Variants in ARIH2 observed in about 807,000 individuals in gnomAD.
The protein encoded by ARIH2 is ariadne RBR E3 ubiquitin protein ligase 2.
Under a neutral mutation model 79.8 loss-of-function variants are expected in ARIH2, and 12 were observed. The observed-to-expected ratio is 0.15, with a 90% CI of 0.10 to 0.24. ARIH2 has a LOEUF of 0.24. ARIH2 is among the 10% of genes least tolerant of loss of function. ARIH2 has a pLI of 1.00. For synonymous variants in ARIH2, 224 were observed against 213.9 expected, an observed-to-expected ratio of 1.05 and a Z score of -0.41; for missense variants, 301 against 618.3, an observed-to-expected ratio of 0.49 and a Z score of 5.44.
At chr3:48,919,881 C>A (rs2084530903) in intron 1 of ARIH2, among the ~76,000 whole-genome samples, 1 of 151,996 alleles carries the variant, frequency 6.6e-6, no homozygotes, top group Non-Finnish European at 1.5e-5. Context: ...CGTCTTCAGA[C>A]TCACTAAAAC....
intron 3 of ARIH2, chr3:48,934,768 T>C (rs964997498): frequency 8.1e-5 from 80 of 985,336 alleles, no homozygotes; most frequent in Non-Finnish European, 1.8e-5. Context: ...GATGTCCTTG[T>C]CTTGCCAGCT....
intron 1 of ARIH2, 171 bp downstream of exon 1, chr3:48,919,169 G>T (rs763710057): frequency 3.6e-5 from 47 of 1,299,666 alleles, no homozygotes; most frequent in African/African-American, 7.6e-5. Context: ...TCAGCGGCCG[G>T]GCGCCCAGCG....
chr3:48,944,526 CA>C (rs2088832668), intron 3 of ARIH2, among the ~76,000 whole-genome samples: 1 of 152,248 alleles, frequency 6.6e-6, no homozygotes, highest in East Asian at 1.9e-4. Flanking sequence ...AGTTACAAGT[CA>C]ACCCTCCTTC....
At position 48,985,314 on chromosome 3, in the gene ARIH2, C is replaced by T. The variant is rs1307859110; in HGVS notation, c.*2044C>T. 1.3e-5 allele frequency: 2 copies of T among 151,990 alleles called. No individual in the cohort carries two copies. The highest frequency in any genetic ancestry group is 2.4e-5 in the African/African-American group (1 of 41,348). The allele number at this position is 151,990 out of a possible 1,614,324, so 9.4% of individuals were successfully genotyped here. On this transcript the variant is annotated 3_prime_UTR_variant, in exon 16 of 16. Coordinates refer to ENST00000356401, the MANE Select transcript of ARIH2 (RefSeq NM_006321.4). ...GTAGCTCTTGGCCTGTGTAGAGCCC[C>T]CTCCTGTGCCCTCAGTGGCTGTCGT...
intron 6 of ARIH2, 21 bp from the exon 7 acceptor site, chr3:48,968,513 C>A: frequency 6.2e-7 from 1 of 1,601,936 alleles, no homozygotes; most frequent in South Asian, 1.1e-5. Flanking sequence ...CTGGCCCCAT[C>A]AGGTTGTTTT....
intron 14 of ARIH2, among the ~76,000 whole-genome samples, chr3:48,982,423 T>G (rs2092782976): frequency 6.6e-6 from 1 of 152,240 alleles, no homozygotes; most frequent in South Asian, 2.1e-4. Context: ...TTCACTGCTA[T>G]AAATAGGACA....
At chr3:48,925,401 C>T (rs1370661408) in intron 2 of ARIH2, among the ~76,000 whole-genome samples, 1 of 147,350 alleles carries the variant, frequency 6.8e-6, no homozygotes, top group Non-Finnish European at 1.5e-5. Flanking sequence ...GCATGAGCCA[C>T]CGCGCCCAGC....
Position 48,964,910 on chromosome 3 carries a change from GT to G in ARIH2, c.324-5del. The stretch of plus-strand genomic sequence containing the variant: ...CTGATTGCCTTCATTTCTGCTTTTT[GT>G]TTTGTAGATACAAGTCCAATTCTGC... On this transcript the variant is annotated splice_region_variant and splice_polypyrimidine_tract_variant and intron_variant, in intron 4 of 15. Coordinates refer to ENST00000356401, the MANE Select transcript of ARIH2 (RefSeq NM_006321.4). The G allele has an allele frequency of 6.2e-7, 1 of 1,612,410 alleles. No individual in the cohort carries two copies. Among genetic ancestry groups the G allele is most frequent in the Non-Finnish European group, 8.5e-7 (1 of 1,178,960 alleles).
chr3:48,929,427 C>T (rs2086082507), intron 3 of ARIH2, among the ~76,000 whole-genome samples: 1 of 151,852 alleles, frequency 6.6e-6, no homozygotes, highest in African/African-American at 2.4e-5. Flanking sequence ...TATACATGGT[C>T]AGCCTCCTGG....
In ARIH2 at chr3:48,927,492, C is replaced by T. The variant is rs1184918263; in HGVS notation, c.-67C>T. On this transcript the variant is annotated 5_prime_UTR_variant, in exon 3 of 16. Transcript: ENST00000356401. ...AAAAATACTAATGCATTTGAGAAAG[C>T]GGTAGTTTTGGGGGGAGGGGGAAAA... is the stretch of plus-strand genomic sequence containing the variant. The T allele has an allele frequency of 1.0e-5, 16 of 1,558,292 alleles. No individual in the cohort carries two copies. Among genetic ancestry groups the T allele is most frequent in the East Asian group, 4.5e-5 (2 of 44,518 alleles).
intron 4 of ARIH2, 107 bp downstream of exon 4, chr3:48,961,786 T>C: frequency 1.4e-6 from 1 of 703,238 alleles, no homozygotes; most frequent in Non-Finnish European, 2.5e-6. Flanking sequence ...ATGTGCATAG[T>C]ATATTTTTAA....
chr3:48,970,834 C>A, intron 8 of ARIH2, 130 bp downstream of exon 8: 1 of 645,774 alleles, frequency 1.5e-6, no homozygotes, highest in Non-Finnish European at 2.8e-6. Context: ...CAGCTGTGCT[C>A]CAAGTGGGTA....
intron 1 of ARIH2, 159 bp downstream of exon 1, chr3:48,919,157 C>G (rs771870992): frequency 7.7e-7 from 1 of 1,300,106 alleles, no homozygotes; most frequent in East Asian, 2.9e-5. Context: ...CATTACCCGC[C>G]GTCAGCGGCC....
intron 3 of ARIH2, among the ~76,000 whole-genome samples, chr3:48,929,748 T>G (rs1482748091): frequency 6.6e-6 from 1 of 152,202 alleles, no homozygotes; most frequent in Non-Finnish European, 1.5e-5. Context: ...TCATCTACAG[T>G]AGGTATTGAA....
At chr3:48,973,507 G>T in intron 8 of ARIH2, 192 bp from the exon 9 acceptor site, 1 of 432,850 alleles carries the variant, frequency 2.3e-6, no homozygotes, top group South Asian at 2.6e-5. Flanking sequence ...AACCCGGGAG[G>T]CAGAGCTTGC....
intron 3 of ARIH2, among the ~76,000 whole-genome samples, chr3:48,939,900 C>G (rs2087824913): frequency 6.6e-6 from 1 of 151,894 alleles, no homozygotes; most frequent in Non-Finnish European, 1.5e-5. Context: ...TCATCTTCAT[C>G]TTGTTCCAGA....
intron 3 of ARIH2, among the ~76,000 whole-genome samples, chr3:48,930,131 T>A (rs923903849): frequency 3.9e-5 from 6 of 152,152 alleles, no homozygotes; most frequent in African/African-American, 1.4e-4. Flanking sequence ...GTTGTGGCTC[T>A]TTTGGTTGGG....
intron 3 of ARIH2, among the ~76,000 whole-genome samples, chr3:48,930,085 T>A (rs1327547735): frequency 6.6e-6 from 1 of 152,190 alleles, no homozygotes; most frequent in Non-Finnish European, 1.5e-5. Flanking sequence ...AGAAATATGT[T>A]AACACCATTT....
chr3:48,945,518 T>C (rs2088997220), intron 3 of ARIH2, among the ~76,000 whole-genome samples: 2 of 151,984 alleles, frequency 1.3e-5, no homozygotes, highest in African/African-American at 4.8e-5. Context: ...TCGCAAAACC[T>C]TTTTTTTGAA....
Sources: gnomAD v4.1 joint callset for allele counts (sites outside exome capture counted in the v4.1 genomes callset) on GRCh38, gnomAD v4.1.1 for gene constraint, MANE v1.5 for transcripts, NCBI Gene and HGNC (gene_info 2026-07-23, HGNC 2026-07-21) for gene names.